Variants in PTPRN2 observed in about 807,000 individuals in gnomAD.
PTPRN2 encodes the protein protein tyrosine phosphatase receptor type N2.
A neutral mutation model predicts 118.8 loss-of-function variants in PTPRN2; 74 were observed. The ratio of observed to expected loss-of-function variants is 0.62; its 90% CI spans 0.52 to 0.76. The LOEUF is 0.76. Among genes scored for constraint, PTPRN2 ranks in the 30% least tolerant of loss-of-function variants. PTPRN2 has a pLI of 0.00. For missense variants in PTPRN2, 1,481 were observed against 1,394.4 expected (o/e 1.06, Z -0.99); for synonymous variants, 641 against 608.0 (o/e 1.05, Z -0.80).
chr7:158,419,023 T>C (rs1815031044), intron 2 of PTPRN2, among the ~76,000 whole-genome samples: 1 of 152,264 alleles, frequency 6.6e-6, no homozygotes, highest in African/African-American at 2.4e-5. Flanking sequence ...TTCCAGTGGC[T>C]CACATAGTCC....
intron 5 of PTPRN2, among the ~76,000 whole-genome samples, chr7:158,191,578 C>T (rs1390919610): frequency 1.9e-4 from 29 of 152,140 alleles, no homozygotes; most frequent in Admixed American, 1.8e-3. Flanking sequence ...CCTAACAAGT[C>T]GTCATAAAAA....
rs1805410351 is a variant in PTPRN2 at position 158,003,332 on chromosome 7, T to C, written c.1723+77966A>G. Among the ~76,000 whole-genome samples, 2 of 144,580 alleles carry C rather than the reference T, an allele frequency of 1.4e-5. No individual in the cohort carries two copies. The highest frequency in any genetic ancestry group is 4.4e-4 in the South Asian group (2 of 4,588). The allele number at this position is 144,580 out of a possible 152,430, so 94.9% of individuals were successfully genotyped here. ...GGGAGGCTGAGGCAGGAGAATGGCA[T>C]GAACCTGGGAGGCGGAGCTTGCAGT... On this transcript the variant is annotated intron_variant, in intron 11 of 22. Coordinates refer to ENST00000389418, the MANE Select transcript of PTPRN2 (RefSeq NM_002847.5). This position sits in a 1 kb window ranked among gnomAD's most constrained non-coding sequence, Gnocchi z 5.0.
intron 2 of PTPRN2, among the ~76,000 whole-genome samples, chr7:158,321,729 C>T (rs932062303): frequency 6.6e-6 from 1 of 152,210 alleles, no homozygotes; most frequent in African/African-American, 2.4e-5. Flanking sequence ...CCTATGAAAA[C>T]TGTGGGCTCC....
At chr7:158,167,354 A>G in intron 5 of PTPRN2, 63 bp from the exon 6 acceptor site, 1 of 1,522,242 alleles carries the variant, frequency 6.6e-7, no homozygotes, top group Non-Finnish European at 8.8e-7. Flanking sequence ...GGGGGCACCA[A>G]GATGCCCTTC....
At chr7:157,864,527 A>G (rs1810487230) in intron 12 of PTPRN2, 1 of 152,186 alleles carries the variant, frequency 6.6e-6, no homozygotes, top group Admixed American at 6.5e-5. Flanking sequence ...TGGGGTCGCA[A>G]AGGTTTACAT....
chr7:157,715,924 C>T (rs1011453394), intron 12 of PTPRN2, among the ~76,000 whole-genome samples: 6 of 152,212 alleles, frequency 3.9e-5, no homozygotes, highest in African/African-American at 1.4e-4. Flanking sequence ...CAGCGGGCGG[C>T]CTGGAGGTAC....
chr7:158,528,338 A>G (rs918358534), intron 1 of PTPRN2, among the ~76,000 whole-genome samples: 2 of 152,156 alleles, frequency 1.3e-5, no homozygotes, highest in Admixed American at 1.3e-4. Context: ...ACGCCAGGTG[A>G]CGTCCCAAAA....
At position 157,851,863 on chromosome 7, in the gene PTPRN2, C is replaced by T. The variant is rs112984234; in HGVS notation, c.1788+46810G>A. Among the ~76,000 whole-genome samples the T allele has an allele frequency of 2.3e-4, 35 of 152,350 alleles. 3 individuals are homozygous for T. The highest frequency in any genetic ancestry group is 7.9e-4 in the African/African-American group (33 of 41,582). Reference sequence around the variant, plus strand: ...CTTTGGCACAAAGCCTCAGCGCTCCCGCGCCTGCCCTACCACTGAACAAAA... The same window carrying T: ...CTTTGGCACAAAGCCTCAGCGCTCCTGCGCCTGCCCTACCACTGAACAAAA... On this transcript the variant is annotated intron_variant, in intron 12 of 22. Transcript: ENST00000389418.
intron 3 of PTPRN2, among the ~76,000 whole-genome samples, chr7:158,312,205 C>CACACACGCCA (rs1554450981): frequency 7.3e-6 from 1 of 137,068 alleles, no homozygotes; most frequent in Admixed American, 7.0e-5. Context: ...CACTCACATG[C>CACACACGCCA]ACACACACGT....
intron 11 of PTPRN2, among the ~76,000 whole-genome samples, chr7:158,020,929 T>C (rs893149125): frequency 4.6e-5 from 7 of 152,190 alleles, no homozygotes; most frequent in African/African-American, 1.4e-4. Context: ...GAGCCCCCTC[T>C]ATAGAGGAGG....
intron 11 of PTPRN2, among the ~76,000 whole-genome samples, chr7:158,031,678 C>T (rs570158958): frequency 3.5e-4 from 53 of 152,276 alleles, no homozygotes; most frequent in African/African-American, 1.2e-3. Flanking sequence ...CTCAGCCACA[C>T]TTTCCAGAAG....
chr7:158,051,890 T>A (rs971854478), intron 11 of PTPRN2, among the ~76,000 whole-genome samples: 5 of 152,112 alleles, frequency 3.3e-5, no homozygotes, highest in Non-Finnish European at 5.9e-5. Context: ...ACACAAAAGC[T>A]AAGATTTAAA....
intron 12 of PTPRN2, chr7:157,857,463 C>T (rs1470114139): frequency 2.0e-5 from 3 of 152,262 alleles, no homozygotes; most frequent in Admixed American, 6.5e-5. Context: ...GTGGCAGGCT[C>T]GGCGCGTGAT....
chr7:158,127,386 C>G (rs555258037), intron 9 of PTPRN2, among the ~76,000 whole-genome samples: 4 of 152,240 alleles, frequency 2.6e-5, no homozygotes, highest in African/African-American at 9.6e-5. Flanking sequence ...CCGTTCATCT[C>G]TCCACAGTCC....
chr7:158,340,736 G>T (rs1286299359), intron 2 of PTPRN2, among the ~76,000 whole-genome samples: 17 of 59,814 alleles, frequency 2.8e-4, no homozygotes, highest in East Asian at 5.5e-4. Flanking sequence ...ACCATAAGAG[G>T]TGACACATGC....
At chr7:158,516,841 T>C (rs1823608668) in intron 1 of PTPRN2, among the ~76,000 whole-genome samples, 1 of 152,156 alleles carries the variant, frequency 6.6e-6, no homozygotes, top group Non-Finnish European at 1.5e-5. Flanking sequence ...GGTGCCGTTC[T>C]TGGTGCTTCT....
At chr7:158,154,206 G>T (rs548160854) in intron 6 of PTPRN2, among the ~76,000 whole-genome samples, 22 of 152,312 alleles carry the variant, frequency 1.4e-4, no homozygotes, top group African/African-American at 5.1e-4. Context: ...GCAGAGACAG[G>T]TGTTCTCCGG....
At chr7:158,131,230 A>C (rs988181632) in intron 9 of PTPRN2, among the ~76,000 whole-genome samples, 35 of 151,702 alleles carry the variant, frequency 2.3e-4, no homozygotes, top group African/African-American at 8.5e-4. Context: ...ATACACACAC[A>C]CCCAACAAAC....
At chr7:158,522,093 GA>G (rs1824182125) in intron 1 of PTPRN2, among the ~76,000 whole-genome samples, 5 of 82,244 alleles carry the variant, frequency 6.1e-5, no homozygotes, top group Non-Finnish European at 1.2e-4. Flanking sequence ...GCTGGCTCAG[GA>G]GGGAGGTCCA....
Sources: gnomAD v4.1 joint callset for allele counts (sites outside exome capture counted in the v4.1 genomes callset) on GRCh38, gnomAD v4.1.1 for gene constraint, Gnocchi (gnomAD v3.1) non-coding constraint, MANE v1.5 for transcripts, NCBI Gene and HGNC (gene_info 2026-07-23, HGNC 2026-07-21) for gene names.